THRB: variants seen among roughly 807,000 people sequenced by gnomAD.
THRB encodes thyroid hormone receptor beta, also known as nuclear receptor subfamily 1 group A member 2.
Under a neutral mutation model 47.8 loss-of-function variants are expected in THRB, and 12 were observed. The observed-to-expected ratio is 0.25, with a 90% CI of 0.16 to 0.41. The LOEUF (loss-of-function observed/expected upper bound fraction) is 0.41. THRB is among the 10% of genes least tolerant of loss of function. The pLI, the probability that THRB is intolerant of heterozygous loss-of-function variation, is 1.00. For missense variants in THRB, 348 were observed against 589.2 expected (o/e 0.59, Z 4.24); for synonymous variants, 218 against 212.2 (o/e 1.03, Z -0.24).
chr3:24,133,601 TG>T, intron 8 of THRB, 139 bp from the exon 9 acceptor site: 1 of 828,138 alleles, frequency 1.2e-6, no homozygotes, highest in Non-Finnish European at 2.0e-6. Flanking sequence ...GTTAACAAAC[TG>T]TACAGTTTAC....
intron 1 of THRB, among the ~76,000 whole-genome samples, chr3:24,477,771 A>G (rs73823305): frequency 0.034 from 5,181 of 151,956 alleles, 292 homozygotes; most frequent in African/African-American, 0.12. Flanking sequence ...CACCGGCACC[A>G]TCATAATCTT....
At chr3:24,493,120 A>C (rs1698428506) in intron 1 of THRB, among the ~76,000 whole-genome samples, 1 of 152,236 alleles carries the variant, frequency 6.6e-6, no homozygotes, top group Non-Finnish European at 1.5e-5. Flanking sequence ...CAATTAAAAC[A>C]CTTAGCCACC....
chr3:24,454,314 A>C (rs901919841), intron 1 of THRB, among the ~76,000 whole-genome samples: 2 of 152,240 alleles, frequency 1.3e-5, no homozygotes, highest in Non-Finnish European at 2.9e-5. Flanking sequence ...AGGAAAATTC[A>C]TAATTCATAC....
At chr3:24,227,414 G>A (rs73823241) in intron 4 of THRB, among the ~76,000 whole-genome samples, 1,592 of 152,262 alleles carry the variant, frequency 0.01, 22 homozygotes, top group African/African-American at 0.036. Flanking sequence ...TTTTAGTGGC[G>A]GAGAATTTGA....
chr3:24,472,015 A>C (rs1694774981), intron 1 of THRB, among the ~76,000 whole-genome samples: 1 of 152,228 alleles, frequency 6.6e-6, no homozygotes, highest in Non-Finnish European at 1.5e-5. Context: ...TCTGCTAAGA[A>C]GAGTTTCTTT....
chr3:24,423,425 T>A (rs1384391040), intron 1 of THRB, among the ~76,000 whole-genome samples: 1 of 151,822 alleles, frequency 6.6e-6, no homozygotes, highest in Non-Finnish European at 1.5e-5. Flanking sequence ...ACTGAGATTT[T>A]TTTTTTTTAA....
At chr3:24,164,867 T>G (rs1028265679) in intron 5 of THRB, among the ~76,000 whole-genome samples, 4 of 152,138 alleles carry the variant, frequency 2.6e-5, no homozygotes, top group Non-Finnish European at 4.4e-5. Context: ...GTTCACAGAG[T>G]CCTTCAATCA....
chr3:24,218,992 C>A (rs1267894250), intron 4 of THRB, among the ~76,000 whole-genome samples: 1 of 152,150 alleles, frequency 6.6e-6, no homozygotes, highest in East Asian at 1.9e-4. Context: ...TAAGCTCGGG[C>A]GTGGTGGCTC....
At chr3:24,326,452 T>C (rs2061599559) in intron 2 of THRB, among the ~76,000 whole-genome samples, 1 of 152,070 alleles carries the variant, frequency 6.6e-6, no homozygotes, top group Admixed American at 6.6e-5. Flanking sequence ...GCCAGGCTGG[T>C]CTTGAACTCC....
intron 2 of THRB, among the ~76,000 whole-genome samples, chr3:24,319,697 T>C (rs2058354427): frequency 6.6e-6 from 1 of 152,160 alleles, no homozygotes; most frequent in Non-Finnish European, 1.5e-5. Context: ...CTTTAGCATG[T>C]GCATGTTATA....
chr3:24,340,879 G>A (rs982333096), intron 1 of THRB, among the ~76,000 whole-genome samples: 4 of 151,938 alleles, frequency 2.6e-5, no homozygotes, highest in Non-Finnish European at 5.9e-5. Context: ...ATATATCTTG[G>A]GTAGGTAAAG....
At chr3:24,153,897 A>C (rs2037400661) in intron 5 of THRB, among the ~76,000 whole-genome samples, 1 of 152,202 alleles carries the variant, frequency 6.6e-6, no homozygotes, top group Non-Finnish European at 1.5e-5. Context: ...AATAAAGATT[A>C]GCTAGGTTGA....
chr3:24,383,496 AT>A (rs1643517703), intron 1 of THRB, among the ~76,000 whole-genome samples: 1 of 152,204 alleles, frequency 6.6e-6, no homozygotes, highest in South Asian at 2.1e-4. Context: ...TAATTAAAAA[AT>A]AATTCATATA....
rs369780579 is a variant in THRB at position 24,286,522 on chromosome 3, T to G, written c.-43+10704A>C. Reference sequence around the variant, plus strand: ...TATGGTTTAAGATTTCAGCCTCAACTGTTAGGTTCTTCTCCAAACATCTCA... The same window carrying G: ...TATGGTTTAAGATTTCAGCCTCAACGGTTAGGTTCTTCTCCAAACATCTCA... On this transcript the variant is annotated intron_variant, in intron 3 of 10. Transcript: ENST00000646209. Among the ~76,000 whole-genome samples, 11 of 152,310 alleles carry G rather than the reference T, an allele frequency of 7.2e-5. No individual in the cohort carries two copies. In the South Asian group the frequency reaches 1.0e-3, roughly 14 times the overall value.
intron 8 of THRB, among the ~76,000 whole-genome samples, chr3:24,139,923 AAAAT>A (rs1289405481): frequency 4.6e-5 from 7 of 152,232 alleles, no homozygotes; most frequent in African/African-American, 1.7e-4. Context: ...CAACACATAA[AAAAT>A]AAATAACACG....
At position 24,219,190 on chromosome 3, in the gene THRB, T is replaced by A. The variant is rs532712270; in HGVS notation, c.22+9748A>T. 1.2e-4 allele frequency among the ~76,000 whole-genome samples: 19 copies of A among 152,184 alleles called. No individual in the cohort carries two copies. In the East Asian group the frequency reaches 2.9e-3, roughly 23 times the overall value. On this transcript the variant is annotated intron_variant, in intron 4 of 10. Transcript: ENST00000646209. ...TACTCACAAGGCTAAGATGGGAGGA[T>A]TAACTGAGTCTGGGAGGTCTCCTTG...
chr3:24,321,632 A>T (rs1016097290), intron 2 of THRB, among the ~76,000 whole-genome samples: 1 of 148,496 alleles, frequency 6.7e-6, no homozygotes, highest in African/African-American at 2.5e-5. Flanking sequence ...TGCTAATATA[A>T]TTTTTTTTTT....
intron 3 of THRB, among the ~76,000 whole-genome samples, chr3:24,238,273 G>T (rs2049085573): frequency 3.0e-5 from 1 of 33,296 alleles, no homozygotes; most frequent in Non-Finnish European, 7.8e-5. Flanking sequence ...ATGTGTGTGT[G>T]TGTGTGGGGG....
At chr3:24,394,339 G>A (rs2066794726) in intron 1 of THRB, among the ~76,000 whole-genome samples, 1 of 152,108 alleles carries the variant, frequency 6.6e-6, no homozygotes, top group Admixed American at 6.6e-5. Context: ...ATCTACCTGA[G>A]TGAGAGCCAG....
Sources: allele counts gnomAD v4.1 joint callset (sites outside exome capture counted in the v4.1 genomes callset), GRCh38; gene constraint gnomAD v4.1.1; transcripts MANE v1.5; gene names NCBI Gene and HGNC (gene_info 2026-07-23, HGNC 2026-07-21).